The following MAGI1 variants were observed in gnomAD, a reference collection of about 807,000 sequenced individuals.
MAGI1 encodes membrane associated guanylate kinase, WW and PDZ domain containing 1.
A neutral mutation model predicts 139.9 loss-of-function variants in MAGI1; 58 were observed. That is an observed-to-expected ratio of 0.41 (90% CI 0.34 to 0.52). The LOEUF is 0.52. Among genes scored for constraint, MAGI1 ranks in the 20% least tolerant of loss-of-function variants. MAGI1 has a pLI of 0.12. For synonymous variants in MAGI1, 812 were observed against 737.9 expected (o/e 1.10, Z -1.63); for missense variants, 1,874 against 1,901.6 (o/e 0.99, Z 0.27).
chr3:65,722,256 C>T (rs1317479603), intron 1 of MAGI1, among the ~76,000 whole-genome samples: 1 of 152,080 alleles, frequency 6.6e-6, no homozygotes, highest in East Asian at 1.9e-4. Flanking sequence ...ATCCACCTTA[C>T]CTAGATTTGT....
chr3:66,006,962 C>G (rs1396382150), intron 1 of MAGI1, among the ~76,000 whole-genome samples: 1 of 152,164 alleles, frequency 6.6e-6, no homozygotes, highest in East Asian at 1.9e-4. Context: ...TCCCAAGTAG[C>G]TAGAACTACA....
intron 1 of MAGI1, among the ~76,000 whole-genome samples, chr3:65,891,946 G>A (rs1226990144): frequency 5.9e-5 from 6 of 102,264 alleles, no homozygotes; most frequent in Admixed American, 1.3e-4. Flanking sequence ...ATATATACCC[G>A]TGTTGCTCCA....
At chr3:65,900,035 G>C (rs1419962613) in intron 1 of MAGI1, among the ~76,000 whole-genome samples, 1 of 151,850 alleles carries the variant, frequency 6.6e-6, no homozygotes, top group East Asian at 1.9e-4. Flanking sequence ...AGTTCCAAAA[G>C]AATTTCAGAT....
chr3:65,436,595 GT>G (rs1391497035), intron 10 of MAGI1, among the ~76,000 whole-genome samples: 1 of 152,122 alleles, frequency 6.6e-6, no homozygotes, highest in Non-Finnish European at 1.5e-5. Context: ...TTATAGGAAA[GT>G]CTTAGACAAA....
chr3:65,582,145 C>T lies in MAGI1; in HGVS notation c.430+39827G>A, dbSNP rs150897844. ...GTTTTAGACATGATTATAGGCTGTA[C>T]TTGAATGTAAGCGCCCTGAAGGCAA... On this transcript the variant is annotated intron_variant, in intron 2 of 22. Coordinates refer to ENST00000402939, the MANE Select transcript of MAGI1 (RefSeq NM_001033057.2). 2.3e-3 allele frequency among the ~76,000 whole-genome samples: 344 copies of T among 152,346 alleles called. 6 individuals are homozygous for T. Among genetic ancestry groups the T allele is most frequent in the Middle Eastern group, 0.02 (6 of 294 alleles).
At chr3:65,596,514 A>C (rs11131031) in intron 2 of MAGI1, among the ~76,000 whole-genome samples, 57,276 of 152,112 alleles carry the variant, frequency 0.38, 12,142 homozygotes, top group East Asian at 0.63. Flanking sequence ...AGGGCCCAAC[A>C]TACCTAATCC....
chr3:65,380,610 T>G (rs1347208936), intron 16 of MAGI1: 2 of 152,208 alleles, frequency 1.3e-5, no homozygotes, highest in Non-Finnish European at 2.9e-5. Context: ...ATATTTCTCC[T>G]TTTGTGACTA....
At chr3:65,400,663 C>T (rs1159256392) in intron 13 of MAGI1, among the ~76,000 whole-genome samples, 1 of 148,406 alleles carries the variant, frequency 6.7e-6, no homozygotes, top group African/African-American at 2.5e-5. Flanking sequence ...CCAAGCAAAA[C>T]ACTATAGCCT....
intron 2 of MAGI1, among the ~76,000 whole-genome samples, chr3:65,611,244 A>G (rs1055987205): frequency 3.5e-5 from 5 of 141,848 alleles, no homozygotes; most frequent in African/African-American, 1.3e-4. Flanking sequence ...TATACTATAT[A>G]TACTATATAC....
At chr3:65,937,673 T>A (rs1243405623) in intron 1 of MAGI1, among the ~76,000 whole-genome samples, 1 of 152,134 alleles carries the variant, frequency 6.6e-6, no homozygotes, top group East Asian at 1.9e-4. Flanking sequence ...CCACTTCTTT[T>A]ATTTTGTGGG....
chr3:65,710,269 CTTTTTTTTTT>C (rs1175790063), intron 1 of MAGI1, among the ~76,000 whole-genome samples: 4 of 66,906 alleles, frequency 6.0e-5, no homozygotes, highest in African/African-American at 1.3e-4. Context: ...CCTTACATTT[CTTTTTTTTTT>C]TTTTTTTTTT....
chr3:65,796,066 A>AAAAAGAAAAG (rs1208375872), intron 1 of MAGI1, among the ~76,000 whole-genome samples: 1 of 143,516 alleles, frequency 7.0e-6, no homozygotes, highest in African/African-American at 2.6e-5. Flanking sequence ...AAAAAAAAAA[A>AAAAAGAAAAG]AAAAGAAAAG....
intron 1 of MAGI1, among the ~76,000 whole-genome samples, chr3:65,685,013 TG>T (rs956054265): frequency 6.6e-6 from 1 of 151,486 alleles, no homozygotes. Flanking sequence ...CCATCATGTT[TG>T]GCCTGGTAGA....
At chr3:65,876,888 C>G (rs2060137497) in intron 1 of MAGI1, among the ~76,000 whole-genome samples, 1 of 151,886 alleles carries the variant, frequency 6.6e-6, no homozygotes, top group Admixed American at 6.6e-5. Context: ...GGACTACAGG[C>G]ACCTGCCACC....
At chr3:65,509,701 C>G (rs952833129) in intron 2 of MAGI1, among the ~76,000 whole-genome samples, 7 of 152,122 alleles carry the variant, frequency 4.6e-5, no homozygotes, top group African/African-American at 1.4e-4. Flanking sequence ...TGAGATCAAA[C>G]TGCAAGGCGG....
At chr3:65,745,696 C>T (rs895553335) in intron 1 of MAGI1, among the ~76,000 whole-genome samples, 10 of 152,124 alleles carry the variant, frequency 6.6e-5, no homozygotes, top group Non-Finnish European at 8.8e-5. Context: ...TTTCTCATTG[C>T]AAGGTGCCTA....
intron 1 of MAGI1, among the ~76,000 whole-genome samples, chr3:65,773,357 AC>A (rs1254775615): frequency 6.6e-6 from 1 of 151,844 alleles, no homozygotes; most frequent in African/African-American, 2.4e-5. Flanking sequence ...ACACAGTGAA[AC>A]CTCATCTCCA....
At chr3:65,566,030 C>T (rs937853803) in intron 2 of MAGI1, among the ~76,000 whole-genome samples, 5 of 151,724 alleles carry the variant, frequency 3.3e-5, no homozygotes, top group South Asian at 2.1e-4. Flanking sequence ...CTGAGGCGGG[C>T]GGATCACAAG....
intron 2 of MAGI1, among the ~76,000 whole-genome samples, chr3:65,535,405 C>T (rs1441752595): frequency 2.0e-5 from 3 of 152,070 alleles, no homozygotes; most frequent in Non-Finnish European, 4.4e-5. Context: ...CTGTTGACTC[C>T]AGTCAATAAG....
Sources: allele counts gnomAD v4.1 joint callset (sites outside exome capture counted in the v4.1 genomes callset), GRCh38; gene constraint gnomAD v4.1.1; transcripts MANE v1.5; gene names NCBI Gene and HGNC (gene_info 2026-07-23, HGNC 2026-07-21).